ABLIM2: variants seen among roughly 807,000 people sequenced by gnomAD.
The protein encoded by ABLIM2 is actin binding LIM protein family member 2, also known as actin-binding LIM protein 2.
ABLIM2 carries 53 observed loss-of-function variants against 97.7 expected under a neutral mutation model. The ratio of observed to expected loss-of-function variants is 0.54; its 90% CI spans 0.44 to 0.68. The LOEUF (loss-of-function observed/expected upper bound fraction) is 0.68, where lower values mean the gene tolerates loss of function less well. ABLIM2 is among the 30% of genes least tolerant of loss of function. The pLI, the probability that ABLIM2 is intolerant of heterozygous loss-of-function variation, is 0.00. For missense variants in ABLIM2, 835 were observed against 867.2 expected (o/e 0.96, Z 0.47); for synonymous variants, 361 against 345.8 (o/e 1.04, Z -0.49).
rs932200079 is a variant in ABLIM2 at position 8,061,118 on chromosome 4, G to A, written c.676-64C>T. On this transcript the variant is annotated intron_variant, in intron 6 of 20. Coordinates refer to ENST00000447017, the MANE Select transcript of ABLIM2 (RefSeq NM_001130083.2). This position sits in a 1 kb window ranked among gnomAD's most constrained non-coding sequence, Gnocchi z 4.5. The stretch of plus-strand genomic sequence containing the variant: ...CCAGAAAGGTCGGCTGGGTCCCAGC[G>A]CCCGGCATGGATACAGCATGCCCTG... The A allele has an allele frequency of 1.6e-5, 23 of 1,394,302 alleles. No individual in the cohort carries two copies. The highest frequency in any genetic ancestry group is 2.5e-5 in the South Asian group (2 of 80,492). The allele number at this position is 1,394,302 out of a possible 1,614,324, so 86.4% of individuals were successfully genotyped here. A position where few individuals can be genotyped will look rare whatever the true frequency, so the allele number is the denominator to read the frequency against.
At chr4:8,020,368 A>T in intron 12 of ABLIM2, 65 bp from the exon 13 acceptor site, 1 of 1,392,178 alleles carries the variant, frequency 7.2e-7, no homozygotes, top group Non-Finnish European at 1.0e-6. Flanking sequence ...AGAATATTTC[A>T]AGCATGAAAA....
chr4:8,128,956 C>G lies in ABLIM2; in HGVS notation c.11-22319G>C, dbSNP rs1310484867. Among the ~76,000 whole-genome samples, 2 of 152,096 alleles carry G rather than the reference C, an allele frequency of 1.3e-5. No homozygotes were observed. The highest frequency in any genetic ancestry group is 4.8e-5 in the African/African-American group (2 of 41,406). On this transcript the variant is annotated intron_variant, in intron 1 of 20. Coordinates refer to ENST00000447017, the MANE Select transcript of ABLIM2 (RefSeq NM_001130083.2). The surrounding 1 kb of genome is among the most constrained non-coding windows in gnomAD (Gnocchi z 4.9). ...CTCCAGAACTGAGAAAAATAAATGT[C>G]TATTATTCAGAAGCCACCAGTCTAT...
intron 1 of ABLIM2, among the ~76,000 whole-genome samples, chr4:8,117,329 G>C (rs530178770): frequency 1.3e-5 from 2 of 152,164 alleles, no homozygotes; most frequent in South Asian, 4.1e-4. Flanking sequence ...GCGACTAACC[G>C]ATTTGCAGCC....
chr4:8,054,343 G>C lies in ABLIM2; in HGVS notation c.764-97C>G. ...AGAGGAGGGAGCTGGTCCATGCACA[G>C]ACGTGCACTCGGACTCCACCCTCCA... On this transcript the variant is annotated intron_variant, in intron 7 of 20. Transcript: ENST00000447017. The surrounding 1 kb of genome is among the most constrained non-coding windows in gnomAD (Gnocchi z 4.9). The C allele has an allele frequency of 7.7e-7, 1 of 1,305,672 alleles. No individual in the cohort carries two copies. Among genetic ancestry groups the C allele is most frequent in the Non-Finnish European group, 1.1e-6 (1 of 915,328 alleles). The allele number at this position is 1,305,672 out of a possible 1,614,324, so 80.9% of individuals were successfully genotyped here.
intron 1 of ABLIM2, among the ~76,000 whole-genome samples, chr4:8,129,395 C>T (rs758370295): frequency 5.7e-4 from 86 of 152,118 alleles, no homozygotes; most frequent in Non-Finnish European, 9.0e-4. Context: ...CCTGCGCGCC[C>T]GAAACACGGC....
At chr4:8,097,685 T>C (rs1014825838) in intron 2 of ABLIM2, among the ~76,000 whole-genome samples, 1 of 152,148 alleles carries the variant, frequency 6.6e-6, no homozygotes, top group Admixed American at 6.5e-5. Context: ...AAGGGGCTAA[T>C]GCCTGATCAC....
rs568007061 is a variant in ABLIM2, at chr4:8,100,963, C to T, written c.155-3681G>A. Reference sequence around the variant, plus strand: ...AAAGTGCCCACACACTAAATTGAAGCGAACGAATCAGGTATACGGCATGCC... The same window carrying T: ...AAAGTGCCCACACACTAAATTGAAGTGAACGAATCAGGTATACGGCATGCC... On this transcript the variant is annotated intron_variant, in intron 2 of 20. Coordinates refer to ENST00000447017, the MANE Select transcript of ABLIM2 (RefSeq NM_001130083.2). Among the ~76,000 whole-genome samples the T allele has an allele frequency of 5.3e-5, 8 of 152,182 alleles. No individual in the cohort carries two copies. The East Asian group carries it at 9.6e-4, about 18-fold the overall frequency.
chr4:8,094,955 T>C (rs1358928987), intron 3 of ABLIM2, among the ~76,000 whole-genome samples: 1 of 115,264 alleles, frequency 8.7e-6, no homozygotes, highest in African/African-American at 3.2e-5. Context: ...CCTCCCTTCC[T>C]TTCCCTCCCT....
intron 4 of ABLIM2, 124 bp from the exon 5 acceptor site, chr4:8,080,926 C>T (rs1819431011): frequency 2.5e-6 from 3 of 1,201,354 alleles, no homozygotes; most frequent in African/African-American, 3.0e-5. Context: ...AGACCAGCAG[C>T]CACAGCGAGT....
intron 1 of ABLIM2, among the ~76,000 whole-genome samples, chr4:8,154,775 G>T (rs574588674): frequency 6.6e-6 from 1 of 152,322 alleles, no homozygotes; most frequent in East Asian, 1.9e-4. Context: ...GTGGGCTCAC[G>T]TATTAGTCTG....
rs1038159371 is a variant in ABLIM2 at position 8,149,380 on chromosome 4, C to A, written c.10+9300G>T. Among the ~76,000 whole-genome samples, 1 of 152,066 alleles carries A rather than the reference C, an allele frequency of 6.6e-6. No homozygotes were observed. The highest frequency in any genetic ancestry group is 1.5e-5 in the Non-Finnish European group (1 of 68,018). On this transcript the variant is annotated intron_variant, in intron 1 of 20. Transcript: ENST00000447017. The surrounding 1 kb of genome is among the most constrained non-coding windows in gnomAD (Gnocchi z 6.4). ...ACCTTTGAGTCCACTGTTCAGCCCCCCAACACCATCCAAGAGGAGGTATTT... is the reference window on the plus strand; with the variant it reads ...ACCTTTGAGTCCACTGTTCAGCCCCACAACACCATCCAAGAGGAGGTATTT...
rs1477444498 is a variant in ABLIM2 at position 8,086,375 on chromosome 4, T to C, written c.454+1794A>G. 2.0e-5 allele frequency among the ~76,000 whole-genome samples: 3 copies of C among 148,018 alleles called. No homozygotes were observed. In the Admixed American group the frequency reaches 2.0e-4, roughly 10 times the overall value. ...TTTTTTTTTTTTTTTTTTTTGACAT[T>C]CTCACTCTGTCACTCAGGCTGGAGT... On this transcript the variant is annotated intron_variant, in intron 4 of 20. Transcript: ENST00000447017.
chr4:8,153,123 G>A (rs530151327), intron 1 of ABLIM2, among the ~76,000 whole-genome samples: 45 of 152,152 alleles, frequency 3.0e-4, no homozygotes, highest in African/African-American at 7.2e-4. Flanking sequence ...AAGGGCCAGC[G>A]ACAAGACAGG....
At chr4:8,014,602 T>G (rs991672230) in intron 14 of ABLIM2, among the ~76,000 whole-genome samples, 1 of 152,224 alleles carries the variant, frequency 6.6e-6, no homozygotes, top group African/African-American at 2.4e-5. Context: ...CGCTAGAATC[T>G]CAGCTCCACA....
chr4:8,045,113 C>T (rs1400265036), intron 9 of ABLIM2, 51 bp downstream of exon 9: 18 of 1,561,112 alleles, frequency 1.2e-5, no homozygotes, highest in Non-Finnish European at 1.6e-5. Context: ...CCGGGCCCCC[C>T]TTCTCTCTCC....
In ABLIM2 at chr4:8,085,425, A is replaced by C. The variant is rs1577422251; in HGVS notation, c.454+2744T>G. Among the ~76,000 whole-genome samples the C allele has an allele frequency of 1.3e-5, 2 of 152,180 alleles. No homozygotes were observed. Among genetic ancestry groups the C allele is most frequent in the South Asian group, 4.2e-4 (2 of 4,804 alleles). On this transcript the variant is annotated intron_variant, in intron 4 of 20. Coordinates refer to ENST00000447017, the MANE Select transcript of ABLIM2 (RefSeq NM_001130083.2). The surrounding 1 kb of genome is among the most constrained non-coding windows in gnomAD (Gnocchi z 6.1). The stretch of plus-strand genomic sequence containing the variant: ...AGCTGCCATCTGGTGTTGGTGTCTC[A>C]GTGCCATTCCCATTCCCCGCCCCCA...
At chr4:8,145,797 C>T (rs1490543971) in intron 1 of ABLIM2, among the ~76,000 whole-genome samples, 1 of 150,052 alleles carries the variant, frequency 6.7e-6, no homozygotes, top group African/African-American at 2.5e-5. Flanking sequence ...CACGAGATCC[C>T]TGTGCTTGTA....
intron 4 of ABLIM2, among the ~76,000 whole-genome samples, chr4:8,081,062 T>A (rs922200058): frequency 6.6e-6 from 1 of 152,048 alleles, no homozygotes; most frequent in African/African-American, 2.4e-5. Flanking sequence ...GAAACCTAGA[T>A]GAAGAAACAG....
At chr4:8,156,922 GC>G (rs1181339330) in intron 1 of ABLIM2, among the ~76,000 whole-genome samples, 1 of 152,224 alleles carries the variant, frequency 6.6e-6, no homozygotes. Flanking sequence ...GCGACAGGTG[GC>G]CCGGAGAGCA....
Sources: allele counts gnomAD v4.1 joint callset (sites outside exome capture counted in the v4.1 genomes callset), GRCh38; gene constraint gnomAD v4.1.1; non-coding constraint Gnocchi (gnomAD v3.1); transcripts MANE v1.5; gene names NCBI Gene and HGNC (gene_info 2026-07-23, HGNC 2026-07-21).